SLC25A17: variants seen among roughly 807,000 people sequenced by gnomAD.
The protein encoded by SLC25A17 is peroxisomal membrane protein PMP34.
Under a neutral mutation model 38.5 loss-of-function variants are expected in SLC25A17, and 26 were observed. That is an observed-to-expected ratio of 0.68 (90% confidence interval 0.50 to 0.94). SLC25A17 has a LOEUF of 0.94. Ranked by LOEUF, SLC25A17 falls within the 40% of genes least tolerant of loss-of-function variation. SLC25A17 has a pLI of 0.00. For synonymous variants in SLC25A17, 139 were observed against 136.2 expected (o/e 1.02, Z -0.14); for missense variants, 333 against 372.7 (o/e 0.89, Z 0.88).
At chr22:40,798,690 G>A (rs1307881467) in intron 2 of SLC25A17, among the ~76,000 whole-genome samples, 1 of 144,080 alleles carries the variant, frequency 6.9e-6, no homozygotes, top group Non-Finnish European at 1.5e-5. Context: ...AAAAGAGGCT[G>A]GGTATGGTGG....
intron 8 of SLC25A17, 30 bp from the exon 9 acceptor site, chr22:40,771,011 A>G: frequency 1.3e-6 from 2 of 1,516,086 alleles, no homozygotes; most frequent in East Asian, 2.4e-5. Context: ...AAAAAACAGA[A>G]GTCAGCTCCT....
At chr22:40,779,573 G>T in intron 4 of SLC25A17, 2 of 247,342 alleles carry the variant, frequency 8.1e-6, no homozygotes, top group Non-Finnish European at 1.6e-5. Context: ...TTTGAAGTGA[G>T]TATGGATATG....
At chr22:40,818,708 A>G (rs2057666355) in intron 1 of SLC25A17, among the ~76,000 whole-genome samples, 2 of 139,012 alleles carry the variant, frequency 1.4e-5, no homozygotes, top group African/African-American at 5.7e-5. Flanking sequence ...CCTGTCCGGA[A>G]AAAAAAAAAA....
intron 5 of SLC25A17, 53 bp from the exon 6 acceptor site, chr22:40,777,426 G>T: frequency 1.3e-6 from 2 of 1,560,636 alleles, no homozygotes; most frequent in South Asian, 1.2e-5. Flanking sequence ...CCCCCAACTA[G>T]AGAAGACAAC....
chr22:40,783,866 C>T (rs1346173160), intron 4 of SLC25A17, among the ~76,000 whole-genome samples: 1 of 152,102 alleles, frequency 6.6e-6, no homozygotes, highest in Non-Finnish European at 1.5e-5. Flanking sequence ...CTACCACACC[C>T]AGTTAATTTT....
intron 3 of SLC25A17, among the ~76,000 whole-genome samples, chr22:40,794,283 A>C (rs182972985): frequency 6.6e-6 from 1 of 152,338 alleles, no homozygotes; most frequent in Admixed American, 6.5e-5. Flanking sequence ...TCCATGATCA[A>C]GAATCAAATG....
chr22:40,808,826 CCTTTTCATAAGAAT>C (rs2057552364), intron 1 of SLC25A17, among the ~76,000 whole-genome samples: 1 of 152,208 alleles, frequency 6.6e-6, no homozygotes, highest in Non-Finnish European at 1.5e-5. Flanking sequence ...GGATTAAAAA[CCTTTTCATAAGAAT>C]CATTATGAAA....
chr22:40,798,148 G>A (rs2057447027), intron 2 of SLC25A17: 1 of 152,292 alleles, frequency 6.6e-6, no homozygotes, highest in Non-Finnish European at 1.5e-5. Context: ...CCTCCCGCTT[G>A]GCTCTGATGG....
chr22:40,773,668 G>C (rs2145642600), intron 8 of SLC25A17, among the ~76,000 whole-genome samples: 1 of 152,346 alleles, frequency 6.6e-6, no homozygotes, highest in East Asian at 1.9e-4. Flanking sequence ...CAGGGTGACT[G>C]AAGTATAGAA....
intron 4 of SLC25A17, among the ~76,000 whole-genome samples, chr22:40,785,405 C>T (rs1352735421): frequency 6.6e-6 from 1 of 152,164 alleles, no homozygotes; most frequent in Non-Finnish European, 1.5e-5. Context: ...AAAAAAAGCT[C>T]TGTTAAACAT....
At chr22:40,786,312 A>G (rs1426955136) in intron 4 of SLC25A17, among the ~76,000 whole-genome samples, 1 of 144,798 alleles carries the variant, frequency 6.9e-6, no homozygotes, top group East Asian at 2.0e-4. Context: ...CCCTGTTGCA[A>G]AAAAAAAAAA....
rs558822952 is a variant in SLC25A17 at position 40,814,748 on chromosome 22, G to A, written c.54+4447C>T. Among the ~76,000 whole-genome samples, 647 of 117,416 alleles carry A rather than the reference G, an allele frequency of 5.5e-3. 8 individuals carry two copies. Among genetic ancestry groups the A allele is most frequent in the African/African-American group, 0.02 (580 of 29,294 alleles). The allele number at this position is 117,416 out of a possible 152,430, so 77.0% of individuals were successfully genotyped here. A position where few individuals can be genotyped will look rare whatever the true frequency, so the allele number is the denominator to read the frequency against. The stretch of plus-strand genomic sequence containing the variant: ...AAAGTAGGATGAGGAAAGGCAGTAC[G>A]TGCAGAATATATATATATATATATA... On this transcript the variant is annotated intron_variant, in intron 1 of 8. Coordinates refer to ENST00000435456, the MANE Select transcript of SLC25A17 (RefSeq NM_006358.4).
At chr22:40,804,776 G>C (rs1369410180) in intron 1 of SLC25A17, among the ~76,000 whole-genome samples, 2 of 152,120 alleles carry the variant, frequency 1.3e-5, no homozygotes, top group African/African-American at 2.4e-5. Context: ...AGAGCCTCCG[G>C]GTCTGTGTCG....
chr22:40,810,212 T>C (rs2057567190), intron 1 of SLC25A17, among the ~76,000 whole-genome samples: 1 of 152,190 alleles, frequency 6.6e-6, no homozygotes, highest in African/African-American at 2.4e-5. Flanking sequence ...TCTTTTTGTA[T>C]ACTGGTGGTC....
rs768389013 is a variant in SLC25A17 at position 40,792,636 on chromosome 22, G to A, written c.223C>T (p.Leu75Phe). ...YRGWFPVISS[L>F]CCSNFVYFYT... Reference sequence around the variant, plus strand: ...AAATAGACAAAATTGGAGCAGCAGAGACTGGAAATCACTGGAAACCACCCT... The same window carrying A: ...AAATAGACAAAATTGGAGCAGCAGAAACTGGAAATCACTGGAAACCACCCT... Residue 75 changes from leucine to phenylalanine, a missense_variant, in exon 4 of 9, where the codon CTC (leucine) becomes TTC (phenylalanine). Physicochemically the swap from Leu to Phe is conservative, Grantham distance 22. Transcript: ENST00000435456. 6.2e-7 allele frequency: 1 copy of A among 1,614,072 alleles called. No individual in the cohort carries two copies. The highest frequency in any genetic ancestry group is 1.1e-5 in the South Asian group (1 of 91,078).
intron 8 of SLC25A17, among the ~76,000 whole-genome samples, chr22:40,773,412 A>T (rs1164956265): frequency 8.0e-5 from 6 of 75,422 alleles, no homozygotes; most frequent in African/African-American, 2.4e-4. Flanking sequence ...TCTGTCTCCA[A>T]AAAAAAAAAA....
chr22:40,809,961 T>A (rs1478291958), intron 1 of SLC25A17, among the ~76,000 whole-genome samples: 1 of 152,214 alleles, frequency 6.6e-6, no homozygotes, highest in Non-Finnish European at 1.5e-5. Flanking sequence ...ATTAATTATA[T>A]CCTACAATTA....
At chr22:40,807,559 C>T (rs1207176435) in intron 1 of SLC25A17, among the ~76,000 whole-genome samples, 1 of 152,138 alleles carries the variant, frequency 6.6e-6, no homozygotes, top group African/African-American at 2.4e-5. Context: ...ACCATCTTGG[C>T]TAACATAGTG....
intron 1 of SLC25A17, among the ~76,000 whole-genome samples, chr22:40,808,968 A>G (rs527752019): frequency 6.6e-6 from 1 of 152,376 alleles, no homozygotes; most frequent in African/African-American, 2.4e-5. Flanking sequence ...AGCAGATAAA[A>G]GGATCCAGCT....
Sources: gnomAD v4.1 joint callset for allele counts (sites outside exome capture counted in the v4.1 genomes callset) on GRCh38, gnomAD v4.1.1 for gene constraint, MANE v1.5 for transcripts, NCBI Gene and HGNC (gene_info 2026-07-23, HGNC 2026-07-21) for gene names.